Variants in GALNT1 observed in about 807,000 individuals in gnomAD.
GALNT1 encodes the protein polypeptide N-acetylgalactosaminyltransferase 1, also known as GalNAc transferase 1.
GALNT1 carries 17 observed loss-of-function variants against 65.7 expected under a neutral mutation model. That is an observed-to-expected ratio of 0.26 (90% CI 0.18 to 0.39). GALNT1 has a LOEUF of 0.39. GALNT1 is among the 10% of genes least tolerant of loss of function. GALNT1 has a pLI of 1.00. For synonymous variants in GALNT1, 210 were observed against 219.7 expected, an observed-to-expected ratio of 0.96 and a Z score of 0.39; for missense variants, 460 against 672.8, an observed-to-expected ratio of 0.68 and a Z score of 3.50.
intron 1 of GALNT1, among the ~76,000 whole-genome samples, chr18:35,605,675 G>T (rs1442344956): frequency 6.6e-6 from 1 of 150,990 alleles, no homozygotes; most frequent in East Asian, 1.9e-4. Flanking sequence ...AATATGTATA[G>T]AAGTATAGAG....
Position 35,677,572 on chromosome 18 carries a change from G to T in GALNT1, c.315-19G>T. 6.3e-7 allele frequency: 1 copy of T among 1,586,934 alleles called. No individual in the cohort carries two copies. The highest frequency in any genetic ancestry group is 2.3e-5 in the East Asian group (1 of 44,182). Reference sequence around the variant, plus strand: ...ATCTTAACAGTCACTTTTTATAAAGGCATTTGCTTTGTCTCTAGGTGTAAA... The same window carrying T: ...ATCTTAACAGTCACTTTTTATAAAGTCATTTGCTTTGTCTCTAGGTGTAAA... On this transcript the variant is annotated intron_variant, in intron 3 of 11. Coordinates refer to ENST00000269195, the MANE Select transcript of GALNT1 (RefSeq NM_020474.4).
intron 1 of GALNT1, among the ~76,000 whole-genome samples, chr18:35,613,605 G>A (rs1171185315): frequency 3.3e-5 from 5 of 152,006 alleles, no homozygotes; most frequent in African/African-American, 4.8e-5. Context: ...GGTACCAGAC[G>A]GTGTCTAGGG....
intron 1 of GALNT1, among the ~76,000 whole-genome samples, chr18:35,634,036 T>C (rs779784213): frequency 1.3e-5 from 2 of 152,196 alleles, no homozygotes; most frequent in African/African-American, 2.4e-5. Context: ...AAATGACCAT[T>C]TGAGTTCTTG....
intron 1 of GALNT1, among the ~76,000 whole-genome samples, chr18:35,636,054 T>C (rs1394388574): frequency 6.6e-6 from 1 of 152,180 alleles, no homozygotes. Context: ...AATCAATCTT[T>C]GCCGCTTTAT....
chr18:35,665,997 C>G (rs2144480929), intron 3 of GALNT1, among the ~76,000 whole-genome samples: 1 of 152,240 alleles, frequency 6.6e-6, no homozygotes, highest in East Asian at 1.9e-4. Context: ...GAGAGTTGCA[C>G]AGGCAGAGGC....
Position 35,663,657 on chromosome 18 carries a change from G to T in GALNT1, c.169G>T (p.Gly57Cys), listed in dbSNP as rs1452129148. Reference protein sequence around the residue: ...VLEPVQKPHEGPGEMGKPVVI... With the variant: ...VLEPVQKPHECPGEMGKPVVI... Reference sequence around the variant, plus strand: ...AGAGCCAGTACAAAAGCCTCATGAAGGTCCTGGAGAAATGGGGAAACCAGT... The same window carrying T: ...AGAGCCAGTACAAAAGCCTCATGAATGTCCTGGAGAAATGGGGAAACCAGT... Residue 57 changes from glycine to cysteine, a missense_variant, in exon 3 of 12, where the codon GGT becomes TGT. Physicochemically the swap from Gly to Cys is radical, Grantham distance 159. Transcript: ENST00000269195. 6.2e-7 allele frequency: 1 copy of T among 1,613,654 alleles called. No homozygotes were observed. Among genetic ancestry groups the T allele is most frequent in the Admixed American group, 1.7e-5 (1 of 59,844 alleles).
intron 1 of GALNT1, among the ~76,000 whole-genome samples, chr18:35,650,595 G>A (rs1174223186): frequency 1.3e-5 from 2 of 152,226 alleles, no homozygotes; most frequent in African/African-American, 2.4e-5. Flanking sequence ...TTCCCAAAGC[G>A]GCCATTTCAG....
At chr18:35,659,999 T>A (rs1433521522) in intron 2 of GALNT1, 1 of 152,196 alleles carries the variant, frequency 6.6e-6, no homozygotes, top group Non-Finnish European at 1.5e-5. Flanking sequence ...TTACATACCT[T>A]TGTTTATAGA....
At chr18:35,591,541 T>A (rs766385173) in intron 1 of GALNT1, among the ~76,000 whole-genome samples, 4 of 152,126 alleles carry the variant, frequency 2.6e-5, no homozygotes, top group Non-Finnish European at 4.4e-5. Context: ...GTGCATTTAA[T>A]GTGTCAGTCT....
chr18:35,665,189 A>G (rs182921519), intron 3 of GALNT1, among the ~76,000 whole-genome samples: 2 of 152,358 alleles, frequency 1.3e-5, no homozygotes, highest in Admixed American at 1.3e-4. Context: ...GGAAACAAAA[A>G]CTATTAAGGT....
intron 3 of GALNT1, among the ~76,000 whole-genome samples, chr18:35,675,525 T>G (rs545851483): frequency 4.6e-5 from 7 of 152,338 alleles, no homozygotes; most frequent in African/African-American, 1.7e-4. Context: ...TTTTAGAATT[T>G]TATTCTTTAA....
chr18:35,657,188 T>G (rs2047403134), intron 2 of GALNT1, among the ~76,000 whole-genome samples: 1 of 152,128 alleles, frequency 6.6e-6, no homozygotes, highest in African/African-American at 2.4e-5. Flanking sequence ...CTCTGCCTCC[T>G]GAATTCAAGC....
chr18:35,596,304 G>A (rs1352931324), intron 1 of GALNT1: 1 of 152,174 alleles, frequency 6.6e-6, no homozygotes, highest in East Asian at 1.9e-4. Context: ...GGAGGCTATG[G>A]TAATAATAAT....
intron 1 of GALNT1, among the ~76,000 whole-genome samples, chr18:35,645,218 G>GT (rs1166987925): frequency 0.042 from 2,279 of 54,332 alleles, 520 homozygotes; most frequent in Non-Finnish European, 0.053. Flanking sequence ...TATTTTGAAT[G>GT]TTTTTTTTTT....
chr18:35,689,359 T>A (rs1344247317), intron 7 of GALNT1, 69 bp downstream of exon 7: 5 of 854,274 alleles, frequency 5.9e-6, no homozygotes, highest in Non-Finnish European at 9.5e-6. Flanking sequence ...ATTATTCATG[T>A]ATCTCTACAT....
intron 1 of GALNT1, among the ~76,000 whole-genome samples, chr18:35,613,132 T>C (rs1346904476): frequency 6.6e-6 from 1 of 152,206 alleles, no homozygotes; most frequent in Non-Finnish European, 1.5e-5. Context: ...TACTTATGTT[T>C]ATTATTTCCT....
At chr18:35,681,994 C>T (rs1170617253) in intron 4 of GALNT1, among the ~76,000 whole-genome samples, 1 of 152,100 alleles carries the variant, frequency 6.6e-6, no homozygotes, top group Non-Finnish European at 1.5e-5. Context: ...ACTAGCATTA[C>T]ATATGTTAGC....
At chr18:35,689,344 C>G (rs1205037389) in intron 7 of GALNT1, 54 bp downstream of exon 7, 2 of 971,840 alleles carry the variant, frequency 2.1e-6, no homozygotes, top group East Asian at 4.8e-5. Flanking sequence ...TATAGATGTG[C>G]ATTGATTATT....
rs528683805 is a variant in GALNT1 at position 35,663,895 on chromosome 18, CA to C, written c.314+96del. 5.0e-5 allele frequency: 57 copies of C among 1,137,076 alleles called. 1 individual carries two copies. The highest frequency in any genetic ancestry group is 7.2e-5 in the Non-Finnish European group (55 of 769,082). 70.4% of individuals were successfully genotyped at this position (1,137,076 alleles called of 1,614,324 possible). ...ACTTGAGTGCTGATTGTTCTTAAGG[CA>C]AATGTTATATCACTATGTTACTACT... On this transcript the variant is annotated intron_variant, in intron 3 of 11. Coordinates refer to ENST00000269195, the MANE Select transcript of GALNT1 (RefSeq NM_020474.4).
Sources: allele counts gnomAD v4.1 joint callset (sites outside exome capture counted in the v4.1 genomes callset), GRCh38; gene constraint gnomAD v4.1.1; transcripts MANE v1.5; gene names NCBI Gene and HGNC (gene_info 2026-07-23, HGNC 2026-07-21).